ATG4B: variants seen among roughly 807,000 people sequenced by gnomAD.
ATG4B encodes cysteine protease ATG4B.
Under a neutral mutation model 56.6 loss-of-function variants are expected in ATG4B, and 29 were observed. The observed-to-expected ratio is 0.51, with a 90% CI of 0.38 to 0.70. ATG4B has a LOEUF of 0.70. Among genes scored for constraint, ATG4B ranks in the 30% least tolerant of loss-of-function variants. The pLI, the probability that ATG4B is intolerant of heterozygous loss-of-function variation, is 0.00. For synonymous variants in ATG4B, 224 were observed against 206.1 expected (o/e 1.09, Z -0.74); for missense variants, 461 against 515.5 (o/e 0.89, Z 1.02).
chr2:241,670,889 G>A lies in ATG4B; in HGVS notation c.1014+107G>A, dbSNP rs2068947274. 6.6e-5 allele frequency: 78 copies of A among 1,187,340 alleles called. 1 individual carries two copies. The South Asian group carries it at 9.5e-4, about 14-fold the overall frequency. 73.6% of individuals were successfully genotyped at this position (1,187,340 alleles called of 1,614,324 possible). On this transcript the variant is annotated intron_variant, in intron 11 of 12. Transcript: ENST00000404914. Reference sequence around the variant, plus strand: ...CGTCCAGGTCTCAGGCAGCCTCACTGGGCCGTGGGGAGCTTTGTCCCGCCT... The same window carrying A: ...CGTCCAGGTCTCAGGCAGCCTCACTAGGCCGTGGGGAGCTTTGTCCCGCCT...
chr2:241,667,535 C>T (rs980544586), intron 8 of ATG4B, among the ~76,000 whole-genome samples: 5 of 150,596 alleles, frequency 3.3e-5, no homozygotes, highest in Admixed American at 6.6e-5. Flanking sequence ...ACCCAGGAGG[C>T]GGAGCTTGCA....
chr2:241,673,515 C>A lies in ATG4B; in HGVS notation c.*1251C>A. ...AGCCAGAGATCCCCGAGGACGCGCG[C>A]CGGACAGTCGGCACTGACCGGCCCA... On this transcript the variant is annotated 3_prime_UTR_variant, in exon 13 of 13. Transcript: ENST00000404914. The A allele has an allele frequency of 2.3e-6, 1 of 444,014 alleles. No individual in the cohort carries two copies. The highest frequency in any genetic ancestry group is 7.1e-5 in the East Asian group (1 of 14,114). 27.5% of individuals were successfully genotyped at this position (444,014 alleles called of 1,614,324 possible).
intron 3 of ATG4B, chr2:241,653,279 C>T (rs1332163341): frequency 1.4e-6 from 2 of 1,479,526 alleles, no homozygotes; most frequent in Middle Eastern, 1.7e-4. Flanking sequence ...CCGTGACTGA[C>T]TTGTTCATGT....
chr2:241,649,039 G>T, intron 1 of ATG4B, among the ~76,000 whole-genome samples: 1 of 152,212 alleles, frequency 6.6e-6, no homozygotes, highest in East Asian at 1.9e-4. Flanking sequence ...ATATGCTGAG[G>T]CTGTCCTGTT....
intron 7 of ATG4B, among the ~76,000 whole-genome samples, chr2:241,661,642 T>G (rs1033208891): frequency 5.3e-5 from 8 of 152,186 alleles, no homozygotes; most frequent in African/African-American, 1.7e-4. Context: ...CACTAAAGCT[T>G]CTTCCTGCAG....
chr2:241,638,045 G>C (rs1329418660), intron 1 of ATG4B, among the ~76,000 whole-genome samples: 1 of 151,642 alleles, frequency 6.6e-6, no homozygotes, highest in Admixed American at 6.6e-5. Flanking sequence ...GGAGGGCGGC[G>C]GAGCCTGCCG....
chr2:241,664,268 C>T (rs1485512027), intron 7 of ATG4B, among the ~76,000 whole-genome samples: 1 of 152,154 alleles, frequency 6.6e-6, no homozygotes, highest in East Asian at 1.9e-4. Context: ...GTGGCTCCCG[C>T]CTGTAATCCT....
intron 1 of ATG4B, among the ~76,000 whole-genome samples, chr2:241,640,154 T>C (rs2067841117): frequency 1.3e-5 from 2 of 152,240 alleles, no homozygotes; most frequent in Non-Finnish European, 2.9e-5. Flanking sequence ...AGAACAGTTA[T>C]GTTGTTACAT....
chr2:241,643,750 A>G (rs911594782), intron 1 of ATG4B, among the ~76,000 whole-genome samples: 9 of 144,148 alleles, frequency 6.2e-5, no homozygotes, highest in Non-Finnish European at 1.1e-4. Flanking sequence ...GCTCACTGCA[A>G]CGGGGTTTTG....
At chr2:241,664,770 C>G (rs1373578155) in intron 7 of ATG4B, among the ~76,000 whole-genome samples, 1 of 152,052 alleles carries the variant, frequency 6.6e-6, no homozygotes, top group Non-Finnish European at 1.5e-5. Context: ...TCGAGACCAG[C>G]CCGGCCAATG....
intron 4 of ATG4B, 117 bp downstream of exon 4, chr2:241,653,727 G>T (rs1017931923): frequency 3.6e-6 from 3 of 844,788 alleles, no homozygotes; most frequent in Non-Finnish European, 5.4e-6. Context: ...AGAACTTGGG[G>T]GTTTCTTGAG....
At chr2:241,655,755 C>T (rs1195890878) in intron 6 of ATG4B, among the ~76,000 whole-genome samples, 1 of 152,184 alleles carries the variant, frequency 6.6e-6, no homozygotes. Flanking sequence ...CCTGTAGCCT[C>T]GCTCACCTTC....
At position 241,673,617 on chromosome 2, in the gene ATG4B, G is replaced by A. The variant is rs1456073404; in HGVS notation, c.*1353G>A. On this transcript the variant is annotated 3_prime_UTR_variant, in exon 13 of 13. Transcript: ENST00000404914. ...TTTCCTCGTATCCTTTCTCCCTTGG[G>A]TGTAGTTGGGGTGGGGAAGCAGGGA... 4.4e-6 allele frequency: 2 copies of A among 456,226 alleles called. No individual in the cohort carries two copies. The highest frequency in any genetic ancestry group is 1.6e-5 in the South Asian group (1 of 64,512). The allele number at this position is 456,226 out of a possible 1,614,324, so 28.3% of individuals were successfully genotyped here. A position where few individuals can be genotyped will look rare whatever the true frequency, so the allele number is the denominator to read the frequency against.
At chr2:241,653,405 G>A (rs2068280849) in intron 3 of ATG4B, 107 bp from the exon 4 acceptor site, 1 of 1,551,166 alleles carries the variant, frequency 6.4e-7, no homozygotes, top group Admixed American at 2.0e-5. Context: ...ATGGAGGAGG[G>A]AGTCGGTGCC....
intron 1 of ATG4B, among the ~76,000 whole-genome samples, chr2:241,647,638 AAAAAAG>A (rs1371106591): frequency 6.7e-5 from 10 of 150,226 alleles, no homozygotes; most frequent in South Asian, 2.1e-4. Flanking sequence ...AAAAAAAAAA[AAAAAAG>A]AAAAGAAATT....
intron 1 of ATG4B, among the ~76,000 whole-genome samples, chr2:241,643,533 T>C (rs2067965004): frequency 6.6e-6 from 1 of 150,738 alleles, no homozygotes; most frequent in African/African-American, 2.4e-5. Context: ...TTCAAATTAA[T>C]ATCATTACCT....
chr2:241,652,558 C>T (rs922238062), intron 3 of ATG4B, among the ~76,000 whole-genome samples: 7 of 152,264 alleles, frequency 4.6e-5, no homozygotes, highest in African/African-American at 9.6e-5. Context: ...GATGGGGTTT[C>T]GCTATGTTGC....
Position 241,654,546 on chromosome 2 carries a change from A to AT in ATG4B, c.286dup (p.Trp96LeufsTer116). 6.3e-7 allele frequency: 1 copy of AT among 1,587,214 alleles called. No homozygotes were observed. The highest frequency in any genetic ancestry group is 8.6e-7 in the Non-Finnish European group (1 of 1,166,720). On this transcript the variant is annotated frameshift_variant and splice_region_variant, in exon 5 of 13. Transcript: ENST00000404914. LOFTEE classifies it high-confidence loss of function. ...TGACCTGTAATTTTTTTTCCAATAG[A>AT]TTGGAGGTGGACACAAAGGAAGAGG...
intron 1 of ATG4B, among the ~76,000 whole-genome samples, chr2:241,649,031 A>G (rs1418538058): frequency 1.3e-5 from 2 of 152,212 alleles, no homozygotes; most frequent in African/African-American, 4.8e-5. Context: ...TCACACCCAT[A>G]TGCTGAGGCT....
Sources: gnomAD v4.1 joint callset for allele counts (sites outside exome capture counted in the v4.1 genomes callset) on GRCh38, gnomAD v4.1.1 for gene constraint, MANE v1.5 for transcripts, NCBI Gene and HGNC (gene_info 2026-07-23, HGNC 2026-07-21) for gene names.